HEPACAM2: variants seen among roughly 807,000 people sequenced by gnomAD.
The protein encoded by HEPACAM2 is HEPACAM family member 2.
In HEPACAM2, 49 loss-of-function variants were observed where a neutral mutation model predicts 49.6. The ratio of observed to expected loss-of-function variants is 0.99; its 90% confidence interval spans 0.78 to 1.25. HEPACAM2 has a LOEUF of 1.25. Among genes scored for constraint, HEPACAM2 ranks in the 50% most tolerant of loss-of-function variants. The pLI, the probability that HEPACAM2 is intolerant of heterozygous loss-of-function variation, is 0.00. For synonymous variants in HEPACAM2, 197 were observed against 202.9 expected, an observed-to-expected ratio of 0.97 and a Z score of 0.25; for missense variants, 525 against 557.2, an observed-to-expected ratio of 0.94 and a Z score of 0.58.
At chr7:93,215,362 A>G (rs776345158) in intron 3 of HEPACAM2, 39 bp downstream of exon 3, 2 of 1,577,944 alleles carry the variant, frequency 1.3e-6, no homozygotes, top group Admixed American at 1.7e-5. Flanking sequence ...TCAGAAAACA[A>G]CAAAAAACAA....
intron 3 of HEPACAM2, among the ~76,000 whole-genome samples, chr7:93,213,539 A>G (rs1276747686): frequency 6.6e-6 from 1 of 152,122 alleles, no homozygotes; most frequent in Non-Finnish European, 1.5e-5. Context: ...TAGCCTTTTT[A>G]CAGCATCGTC....
In HEPACAM2 at chr7:93,208,814, C is replaced by G; in HGVS notation, c.778G>C (p.Val260Leu). ...AATAGGATGGCCTCTCCAAGGTCAACAGTAAACACTTCCCCTACTTTTAGC... is the reference window on the plus strand; with the variant it reads ...AATAGGATGGCCTCTCCAAGGTCAAGAGTAAACACTTCCCCTACTTTTAGC... ...KGLKVGEVFTVDLGEAILFDC... is the reference protein window; with the variant it reads ...KGLKVGEVFTLDLGEAILFDC... Residue 260 changes from valine to leucine, a missense_variant, in exon 4 of 10, where the codon GTT (valine) becomes CTT (leucine). Val to Leu is a conservative substitution (Grantham distance 32). Coordinates refer to ENST00000394468, the MANE Select transcript of HEPACAM2 (RefSeq NM_001039372.4). The G allele has an allele frequency of 6.2e-7, 1 of 1,612,730 alleles. No homozygotes were observed. Among genetic ancestry groups the G allele is most frequent in the Non-Finnish European group, 8.5e-7 (1 of 1,179,212 alleles).
At chr7:93,218,287 T>G (rs1005774923) in intron 2 of HEPACAM2, among the ~76,000 whole-genome samples, 1 of 150,706 alleles carries the variant, frequency 6.6e-6, no homozygotes, top group African/African-American at 2.4e-5. Flanking sequence ...GCAGGGAGAG[T>G]AGGTGGCAAA....
intron 3 of HEPACAM2, among the ~76,000 whole-genome samples, chr7:93,214,115 G>C (rs536173367): frequency 9.4e-4 from 143 of 152,196 alleles, no homozygotes; most frequent in Non-Finnish European, 1.7e-3. Flanking sequence ...AATGGGTCTG[G>C]GTTGTGTTTG....
At chr7:93,225,340 A>C (rs896075378) in intron 1 of HEPACAM2, among the ~76,000 whole-genome samples, 1 of 152,122 alleles carries the variant, frequency 6.6e-6, no homozygotes, top group African/African-American at 2.4e-5. Flanking sequence ...GATAACTGGA[A>C]CAATCACAAC....
At chr7:93,224,260 T>G (rs1303912243) in intron 1 of HEPACAM2, among the ~76,000 whole-genome samples, 3 of 152,042 alleles carry the variant, frequency 2.0e-5, no homozygotes, top group African/African-American at 7.2e-5. Context: ...GACCTCTGTC[T>G]CTATTTGAAA....
chr7:93,210,768 A>G (rs1794159326), intron 3 of HEPACAM2, among the ~76,000 whole-genome samples: 1 of 151,954 alleles, frequency 6.6e-6, no homozygotes, highest in African/African-American at 2.4e-5. Context: ...AACATATAGA[A>G]AAATAGAATG....
chr7:93,231,856 C>T, the HEPACAM2 span, among the ~76,000 whole-genome samples: 3 of 152,132 alleles, frequency 2.0e-5, no homozygotes, highest in South Asian at 2.1e-4. Flanking sequence ...TGGAGGGCCG[C>T]CTATTGGGCA....
intron 1 of HEPACAM2, among the ~76,000 whole-genome samples, chr7:93,225,250 A>C (rs1042696317): frequency 7.2e-5 from 11 of 152,310 alleles, no homozygotes; most frequent in Non-Finnish European, 1.5e-4. Flanking sequence ...AGTGACAGTT[A>C]TAATAATTAT....
At position 93,188,861 on chromosome 7, in the gene HEPACAM2, A is replaced by G. The variant is rs1793463307; in HGVS notation, c.*406T>C. Reference sequence around the variant, plus strand: ...TTAATAAAACAAAGTCTGCTGAAAAATCGAACAATGTAAAGTTTCCACATT... The same window carrying G: ...TTAATAAAACAAAGTCTGCTGAAAAGTCGAACAATGTAAAGTTTCCACATT... On this transcript the variant is annotated 3_prime_UTR_variant, in exon 10 of 10. Coordinates refer to ENST00000394468, the MANE Select transcript of HEPACAM2 (RefSeq NM_001039372.4). The G allele has an allele frequency of 2.5e-6, 1 of 394,034 alleles. No individual in the cohort carries two copies. Among genetic ancestry groups the G allele is most frequent in the South Asian group, 1.4e-4 (1 of 7,084 alleles). 24.4% of individuals were successfully genotyped at this position (394,034 alleles called of 1,614,324 possible). A position where few individuals can be genotyped will look rare whatever the true frequency, so the allele number is the denominator to read the frequency against.
intron 2 of HEPACAM2, among the ~76,000 whole-genome samples, chr7:93,216,056 C>A (rs1196353840): frequency 1.3e-5 from 2 of 152,014 alleles, no homozygotes; most frequent in Non-Finnish European, 2.9e-5. Context: ...TATGGTTATT[C>A]CCCTCTATTG....
chr7:93,221,127 A>AGAG (rs1439032153), intron 1 of HEPACAM2, among the ~76,000 whole-genome samples: 4 of 152,208 alleles, frequency 2.6e-5, no homozygotes, highest in Admixed American at 6.5e-5. Flanking sequence ...TGAAATAAAG[A>AGAG]GAGTTTTTTG....
intron 1 of HEPACAM2, chr7:93,225,813 G>T: frequency 4.6e-6 from 3 of 650,866 alleles, no homozygotes; most frequent in South Asian, 2.6e-5. Context: ...AAGGCATTTT[G>T]GAGTAACAAT....
intron 4 of HEPACAM2, among the ~76,000 whole-genome samples, chr7:93,202,034 A>AAAAAAAAAAAAAAC (rs1793904583): frequency 2.5e-3 from 8 of 3,252 alleles, no homozygotes; most frequent in East Asian, 4.8e-3. Context: ...AAAAAAACCA[A>AAAAAAAAAAAAAAC]AAAAAAAAAA....
At position 93,188,598 on chromosome 7, in the gene HEPACAM2, C is replaced by T. The variant is rs1470558400; in HGVS notation, c.*669G>A. ...AATTAAGACCACATAAAAGCAAAAA[C>T]AGAATAATTTATTTGAATCCATCTT... On this transcript the variant is annotated 3_prime_UTR_variant, in exon 10 of 10. Transcript: ENST00000394468. 6.5e-6 allele frequency: 1 copy of T among 152,928 alleles called. No individual in the cohort carries two copies. Among genetic ancestry groups the T allele is most frequent in the Admixed American group, 6.6e-5 (1 of 15,176 alleles). 9.5% of individuals were successfully genotyped at this position (152,928 alleles called of 1,614,324 possible).
chr7:93,190,559 T>C (rs1339496177), intron 9 of HEPACAM2, among the ~76,000 whole-genome samples: 1 of 151,992 alleles, frequency 6.6e-6, no homozygotes, highest in African/African-American at 2.4e-5. Context: ...GCTGGTAGCA[T>C]GAGCTGGGGT....
chr7:93,192,114 G>A (rs960788729), intron 9 of HEPACAM2, 140 bp downstream of exon 9: 3 of 556,972 alleles, frequency 5.4e-6, no homozygotes, highest in African/African-American at 3.8e-5. Flanking sequence ...TGCTCAGGTG[G>A]GGAAGTGTGT....
At chr7:93,189,337 C>A in intron 9 of HEPACAM2, 67 bp from the exon 10 acceptor site, 1 of 1,112,456 alleles carries the variant, frequency 9.0e-7, no homozygotes, top group Non-Finnish European at 1.3e-6. Context: ...GGTAAAAGAA[C>A]TTTAAATTCT....
chr7:93,199,585 A>C (rs1793827908), intron 4 of HEPACAM2, among the ~76,000 whole-genome samples: 1 of 152,096 alleles, frequency 6.6e-6, no homozygotes, highest in Non-Finnish European at 1.5e-5. Flanking sequence ...CAAGAGTGAA[A>C]GAGTGACTGG....
Sources: gnomAD v4.1 joint callset for allele counts (sites outside exome capture counted in the v4.1 genomes callset) on GRCh38, gnomAD v4.1.1 for gene constraint, MANE v1.5 for transcripts, NCBI Gene and HGNC (gene_info 2026-07-23, HGNC 2026-07-21) for gene names.